NRXN1: variants seen among roughly 807,000 people sequenced by gnomAD.
NRXN1 encodes the protein neurexin 1.
NRXN1 carries 39 observed loss-of-function variants against 150.9 expected under a neutral mutation model. The ratio of observed to expected loss-of-function variants is 0.26; its 90% confidence interval spans 0.20 to 0.34. The LOEUF (loss-of-function observed/expected upper bound fraction) is 0.34, where lower values mean the gene tolerates loss of function less well. NRXN1 is among the 10% of genes least tolerant of loss of function. The pLI is 1.00. For missense variants in NRXN1, 1,815 were observed against 1,949.9 expected (o/e 0.93, Z 1.30); for synonymous variants, 924 against 757.0 (o/e 1.22, Z -3.62).
At position 50,346,691 on chromosome 2, in the gene NRXN1, C is replaced by A. The variant is rs757004682; in HGVS notation, c.3365-109721G>T. ...CGAGAACTTGGCATCGCAGACCCAC[C>A]GTGTCCGCCTCGCAAGGATGCCGGT... On this transcript the variant is annotated intron_variant, in intron 17 of 22. Transcript: ENST00000401669. This position sits in a 1 kb window ranked among gnomAD's most constrained non-coding sequence, Gnocchi z 5.0. The A allele has an allele frequency of 2.5e-6, 4 of 1,613,094 alleles. No individual in the cohort carries two copies. The highest frequency in any genetic ancestry group is 3.4e-6 in the Non-Finnish European group (4 of 1,179,416).
At chr2:50,689,852 ATTTGTG>A (rs1691800819) in intron 5 of NRXN1, among the ~76,000 whole-genome samples, 1 of 101,878 alleles carries the variant, frequency 9.8e-6, no homozygotes, top group East Asian at 2.9e-4. Flanking sequence ...TTTTTTGCTT[ATTTGTG>A]TGTGTGTGTG....
At chr2:50,205,479 T>C (rs930368272) in intron 18 of NRXN1, among the ~76,000 whole-genome samples, 1 of 152,114 alleles carries the variant, frequency 6.6e-6, no homozygotes, top group African/African-American at 2.4e-5. Flanking sequence ...AGTTTGAATA[T>C]ACATTATAGT....
At chr2:50,773,854 C>T (rs1453011150) in intron 5 of NRXN1, among the ~76,000 whole-genome samples, 1 of 152,094 alleles carries the variant, frequency 6.6e-6, no homozygotes, top group East Asian at 1.9e-4. Context: ...TCACACTTTG[C>T]TCAACACAAA....
At chr2:50,498,599 C>A (rs929341667) in intron 13 of NRXN1, among the ~76,000 whole-genome samples, 3 of 152,138 alleles carry the variant, frequency 2.0e-5, no homozygotes, top group Non-Finnish European at 4.4e-5. Context: ...GCATATTTCC[C>A]TGTCAAACCC....
In NRXN1 at chr2:50,031,477, T is replaced by A. The variant is rs1242349799; in HGVS notation, c.4128+21794A>T. ...ATCTGTACAAATGAATAAAATTCAATTCTCTTAGCCAATGAGTTACTTTTT... is the reference window on the plus strand; with the variant it reads ...ATCTGTACAAATGAATAAAATTCAAATCTCTTAGCCAATGAGTTACTTTTT... On this transcript the variant is annotated intron_variant, in intron 21 of 22. Coordinates refer to ENST00000401669, the MANE Select transcript of NRXN1 (RefSeq NM_001330078.2). Among the ~76,000 whole-genome samples, 4 of 152,132 alleles carry A rather than the reference T, an allele frequency of 2.6e-5. No homozygotes were observed. The Middle Eastern group carries it at 0.01, about 388-fold the overall frequency.
chr2:50,178,353 A>T (rs1427384568), intron 18 of NRXN1, among the ~76,000 whole-genome samples: 1 of 151,926 alleles, frequency 6.6e-6, no homozygotes, highest in Non-Finnish European at 1.5e-5. Context: ...GTTGACTTAG[A>T]ACTTGTCCTT....
intron 22 of NRXN1, among the ~76,000 whole-genome samples, chr2:49,936,816 G>GCACACACA (rs202032583): frequency 0.015 from 2,195 of 149,948 alleles, 54 homozygotes; most frequent in African/African-American, 0.05. Context: ...AAAAACATAT[G>GCACACACA]TACACACACA....
chr2:50,555,929 C>CTG (rs1668174612), intron 8 of NRXN1, among the ~76,000 whole-genome samples: 1 of 152,190 alleles, frequency 6.6e-6, no homozygotes. Flanking sequence ...AGTTAAAACT[C>CTG]TCCAGAGGTT....
chr2:50,553,753 G>A (rs973253383), intron 8 of NRXN1, among the ~76,000 whole-genome samples: 9 of 152,160 alleles, frequency 5.9e-5, no homozygotes, highest in Admixed American at 2.0e-4. Context: ...CAAATGCTGC[G>A]CAAGGGTTGT....
At chr2:50,116,218 A>T (rs910928311) in intron 18 of NRXN1, among the ~76,000 whole-genome samples, 3 of 152,152 alleles carry the variant, frequency 2.0e-5, no homozygotes, top group Admixed American at 2.0e-4. Flanking sequence ...ATTGAAGTTT[A>T]TCAGAAAGAT....
chr2:50,797,039 G>A lies in NRXN1; in HGVS notation c.832+124830C>T, dbSNP rs200109059. Among the ~76,000 whole-genome samples, 15 of 152,204 alleles carry A rather than the reference G, an allele frequency of 9.9e-5. No homozygotes were observed. In the East Asian group the frequency reaches 2.5e-3, roughly 26 times the overall value. ...CAGCTCCCTTCTTTTATAAGAGCAC[G>A]AATCCTATTTTATAAGTGCAGAGCC... On this transcript the variant is annotated intron_variant, in intron 5 of 22. Transcript: ENST00000401669.
At chr2:50,746,314 T>C (rs771260208) in intron 5 of NRXN1, among the ~76,000 whole-genome samples, 4 of 151,808 alleles carry the variant, frequency 2.6e-5, no homozygotes, top group African/African-American at 9.7e-5. Flanking sequence ...TCCTAAAACT[T>C]TGGGAGACTC....
At chr2:50,103,308 A>T (rs1197924601) in intron 18 of NRXN1, among the ~76,000 whole-genome samples, 3 of 152,022 alleles carry the variant, frequency 2.0e-5, no homozygotes, top group African/African-American at 7.2e-5. Flanking sequence ...CTTTTATCTC[A>T]AGATGTAGTA....
At chr2:50,100,684 A>G (rs1700864026) in intron 18 of NRXN1, among the ~76,000 whole-genome samples, 1 of 152,104 alleles carries the variant, frequency 6.6e-6, no homozygotes, top group African/African-American at 2.4e-5. Context: ...GTTTGCAGAT[A>G]TCACGATAGC....
At chr2:50,310,307 ACT>A (rs1247954146) in intron 17 of NRXN1, among the ~76,000 whole-genome samples, 3 of 152,166 alleles carry the variant, frequency 2.0e-5, no homozygotes, top group African/African-American at 4.8e-5. Flanking sequence ...AGGTCCTCTA[ACT>A]CTCAGCACAT....
intron 17 of NRXN1, among the ~76,000 whole-genome samples, chr2:50,348,802 G>A (rs567359836): frequency 9.1e-4 from 138 of 151,564 alleles, no homozygotes; most frequent in African/African-American, 3.2e-3. Flanking sequence ...ATTTCCAAAA[G>A]ATGATAAAAA....
At chr2:50,832,450 C>G (rs547683059) in intron 5 of NRXN1, among the ~76,000 whole-genome samples, 2 of 152,050 alleles carry the variant, frequency 1.3e-5, no homozygotes, top group African/African-American at 4.8e-5. Context: ...GTCAGGAGTT[C>G]GAGATCCACC....
rs73932925 is a variant in NRXN1 at position 50,091,807 on chromosome 2, A to G, written c.3547-313T>C. On this transcript the variant is annotated intron_variant, in intron 18 of 22. Transcript: ENST00000401669. The stretch of plus-strand genomic sequence containing the variant: ...AGGACATCCTTTTGTGTACTTTAAC[A>G]CAACCCCTTTAATCCACTCTCCCCA... Among the ~76,000 whole-genome samples the G allele has an allele frequency of 0.05, 7,643 of 152,244 alleles. 672 individuals are homozygous for G. Among genetic ancestry groups the G allele is most frequent in the African/African-American group, 0.17 (7,243 of 41,528 alleles).
intron 5 of NRXN1, among the ~76,000 whole-genome samples, chr2:50,776,787 C>T (rs927316422): frequency 6.6e-6 from 1 of 151,936 alleles, no homozygotes; most frequent in Admixed American, 6.6e-5. Flanking sequence ...CCAGGCTACA[C>T]TTAGTTAAAA....
Sources: gnomAD v4.1 joint callset for allele counts (sites outside exome capture counted in the v4.1 genomes callset) on GRCh38, gnomAD v4.1.1 for gene constraint, Gnocchi (gnomAD v3.1) non-coding constraint, MANE v1.5 for transcripts, NCBI Gene and HGNC (gene_info 2026-07-23, HGNC 2026-07-21) for gene names.